The following DGKG variants were observed in gnomAD, a reference collection of about 807,000 sequenced individuals.
DGKG encodes DAG kinase gamma.
A neutral mutation model predicts 105.3 loss-of-function variants in DGKG; 78 were observed. The ratio of observed to expected loss-of-function variants is 0.74; its 90% CI spans 0.62 to 0.89. The LOEUF is 0.89. DGKG is among the 40% of genes least tolerant of loss of function. The pLI is 0.00. For missense variants in DGKG, 958 were observed against 1,020.1 expected (o/e 0.94, Z 0.83); for synonymous variants, 346 against 367.1 (o/e 0.94, Z 0.66).
rs1248556386 is a variant in DGKG at position 186,346,773 on chromosome 3, A to G, written c.-249+15173T>C. Among the ~76,000 whole-genome samples, 3 of 152,164 alleles carry G rather than the reference A, an allele frequency of 2.0e-5. No homozygotes were observed. In the East Asian group the frequency reaches 5.8e-4, roughly 29 times the overall value. On this transcript the variant is annotated intron_variant, in intron 1 of 24. Coordinates refer to ENST00000265022, the MANE Select transcript of DGKG (RefSeq NM_001346.3). Reference sequence around the variant, plus strand: ...TACGATGGGATCAAAATATCTCAATATTTCATAAACATTTTAATAGATTTT... The same window carrying G: ...TACGATGGGATCAAAATATCTCAATGTTTCATAAACATTTTAATAGATTTT...
intron 22 of DGKG, among the ~76,000 whole-genome samples, chr3:186,174,542 T>C (rs573589639): frequency 1.3e-5 from 2 of 152,312 alleles, no homozygotes; most frequent in South Asian, 4.1e-4. Flanking sequence ...TTAGGGTGAC[T>C]TGCCCCTCTG....
chr3:186,228,119 T>A (rs1449744175), intron 20 of DGKG, among the ~76,000 whole-genome samples: 3 of 152,178 alleles, frequency 2.0e-5, no homozygotes, highest in African/African-American at 7.2e-5. Context: ...GAGAATGACA[T>A]GCGGATTCTT....
chr3:186,297,833 C>T (rs1473182), intron 4 of DGKG, among the ~76,000 whole-genome samples: 1,542 of 108,284 alleles, frequency 0.014, 22 homozygotes, highest in African/African-American at 0.052. Context: ...CCATCCTGCT[C>T]TTTGATCCAT....
intron 3 of DGKG, among the ~76,000 whole-genome samples, chr3:186,302,566 G>GTATA (rs199559070): frequency 2.7e-4 from 31 of 114,778 alleles, no homozygotes; most frequent in South Asian, 5.6e-4. Context: ...ATACACATAT[G>GTATA]TATATATATA....
rs76020216 is a variant in DGKG, at chr3:186,344,802, A to C, written c.-249+17144T>G. On this transcript the variant is annotated intron_variant, in intron 1 of 24. Coordinates refer to ENST00000265022, the MANE Select transcript of DGKG (RefSeq NM_001346.3). ...ATTTCTAACAGAAACTATGACTTTT[A>C]CTATTTTTGCTTTGAGGAACCTGCT... is the stretch of plus-strand genomic sequence containing the variant. Among the ~76,000 whole-genome samples the C allele has an allele frequency of 2.2e-3, 331 of 152,352 alleles. 2 individuals carry two copies. The highest frequency in any genetic ancestry group is 7.0e-3 in the African/African-American group (292 of 41,592).
chr3:186,161,673 A>C lies in DGKG; in HGVS notation c.2217-10T>G. The C allele has an allele frequency of 6.2e-7, 1 of 1,614,238 alleles. No individual in the cohort carries two copies. The highest frequency in any genetic ancestry group is 8.5e-7 in the Non-Finnish European group (1 of 1,180,022). On this transcript the variant is annotated splice_polypyrimidine_tract_variant and intron_variant, in intron 23 of 24. Transcript: ENST00000265022. ...CAGCAGCTTGTTTGTCCTGGAACCC[A>C]GAACACCAAGAGAACACAGTGAGCT...
chr3:186,357,033 A>G (rs867565011), intron 1 of DGKG, among the ~76,000 whole-genome samples: 6 of 152,006 alleles, frequency 3.9e-5, no homozygotes, highest in South Asian at 2.1e-4. Context: ...GGGAGTGTCC[A>G]GGTTGGAGGG....
intron 1 of DGKG, among the ~76,000 whole-genome samples, chr3:186,360,017 C>T (rs536715447): frequency 6.6e-6 from 1 of 152,284 alleles, no homozygotes; most frequent in South Asian, 2.1e-4. Flanking sequence ...CAGCATCCAC[C>T]AACTCCCATC....
rs137862224 is a variant in DGKG, at chr3:186,229,406, G to A, written c.1826+13098C>T. Among the ~76,000 whole-genome samples, 432 of 151,996 alleles carry A rather than the reference G, an allele frequency of 2.8e-3. 7 individuals are homozygous for A. Among genetic ancestry groups the A allele is most frequent in the African/African-American group, 1.0e-2 (414 of 41,438 alleles). On this transcript the variant is annotated intron_variant, in intron 20 of 24. Transcript: ENST00000265022. ...CAGGTGCCCACCCGCCACCATGCCCGGCTAATTTTTGTGTTTTTAGTAGAG... is the reference window on the plus strand; with the variant it reads ...CAGGTGCCCACCCGCCACCATGCCCAGCTAATTTTTGTGTTTTTAGTAGAG...
intron 20 of DGKG, among the ~76,000 whole-genome samples, chr3:186,236,172 G>A (rs545389820): frequency 1.3e-4 from 20 of 152,278 alleles, no homozygotes; most frequent in Admixed American, 6.5e-4. Context: ...CCACCCCCAG[G>A]AGAAGGATTT....
In DGKG at chr3:186,268,795, AC is replaced by A. The variant is rs1171946875; in HGVS notation, c.1116+5del. On this transcript the variant is annotated splice_donor_5th_base_variant and intron_variant, in intron 12 of 24. Transcript: ENST00000265022. The stretch of plus-strand genomic sequence containing the variant: ...AGAAGCAGGGCCGCCCTGGGCGCCA[AC>A]CCACCGTCATCCGGCACCACACGCA... 9.3e-6 allele frequency: 15 copies of A among 1,606,046 alleles called. No individual in the cohort carries two copies. The highest frequency in any genetic ancestry group is 1.6e-4 in the Middle Eastern group (1 of 6,066).
chr3:186,269,220 T>A (rs76644534), intron 11 of DGKG, among the ~76,000 whole-genome samples: 47 of 152,368 alleles, frequency 3.1e-4, no homozygotes, highest in Non-Finnish European at 6.0e-4. Context: ...TCTGTTTGTC[T>A]TGCAGAACGC....
intron 2 of DGKG, among the ~76,000 whole-genome samples, chr3:186,319,536 G>A (rs1310454405): frequency 1.3e-5 from 2 of 152,196 alleles, no homozygotes; most frequent in African/African-American, 2.4e-5. Flanking sequence ...AATGTGAAGG[G>A]AGAGGCCATG....
At chr3:186,241,974 C>G (rs1720707846) in intron 20 of DGKG, among the ~76,000 whole-genome samples, 1 of 152,198 alleles carries the variant, frequency 6.6e-6, no homozygotes, top group African/African-American at 2.4e-5. Flanking sequence ...GGGTCTCCAG[C>G]CTTTGCAGGT....
intron 24 of DGKG, chr3:186,158,750 C>A (rs902681455): frequency 5.2e-6 from 5 of 966,494 alleles, no homozygotes; most frequent in African/African-American, 3.5e-5. Flanking sequence ...CTATATCAAC[C>A]TTTTCTCAGA....
chr3:186,310,671 A>C (rs1724497890), intron 2 of DGKG, among the ~76,000 whole-genome samples: 1 of 152,200 alleles, frequency 6.6e-6, no homozygotes, highest in Non-Finnish European at 1.5e-5. Flanking sequence ...TGGGTCCAAT[A>C]GTATAACCTC....
At chr3:186,261,508 C>T (rs1721772868) in intron 15 of DGKG, among the ~76,000 whole-genome samples, 191 bp downstream of exon 15, 1 of 152,172 alleles carries the variant, frequency 6.6e-6, no homozygotes, top group Non-Finnish European at 1.5e-5. Flanking sequence ...TGATAATTAT[C>T]TCCATTTTAC....
At chr3:186,156,548 A>G (rs1716044835) in intron 24 of DGKG, among the ~76,000 whole-genome samples, 2 of 152,106 alleles carry the variant, frequency 1.3e-5, no homozygotes, top group South Asian at 4.1e-4. Context: ...GTTATTTCTC[A>G]GCGTTCTTTT....
intron 20 of DGKG, among the ~76,000 whole-genome samples, chr3:186,227,335 G>C (rs1017958654): frequency 2.0e-5 from 3 of 152,152 alleles, no homozygotes; most frequent in African/African-American, 7.2e-5. Context: ...CACCTTGTCA[G>C]GCAGTTGTAA....
Sources: allele counts gnomAD v4.1 joint callset (sites outside exome capture counted in the v4.1 genomes callset), GRCh38; gene constraint gnomAD v4.1.1; transcripts MANE v1.5; gene names NCBI Gene and HGNC (gene_info 2026-07-23, HGNC 2026-07-21).